The following PDLIM5 variants were observed in gnomAD, a reference collection of about 807,000 sequenced individuals.
PDLIM5 encodes PDZ and LIM domain 5.
A neutral mutation model predicts 64.2 loss-of-function variants in PDLIM5; 34 were observed. The ratio of observed to expected loss-of-function variants is 0.53; its 90% CI spans 0.40 to 0.71. The LOEUF is 0.71. Ranked by LOEUF, PDLIM5 falls within the 30% of genes least tolerant of loss-of-function variation. PDLIM5 has a pLI of 0.00. For synonymous variants in PDLIM5, 253 were observed against 269.1 expected (o/e 0.94, Z 0.59); for missense variants, 683 against 733.6 (o/e 0.93, Z 0.80).
chr4:94,562,726 T>A (rs952210701), intron 3 of PDLIM5, among the ~76,000 whole-genome samples: 1 of 152,300 alleles, frequency 6.6e-6, no homozygotes, highest in Non-Finnish European at 1.5e-5. Flanking sequence ...ATCTATTAGA[T>A]TCAAAGAGTG....
At chr4:94,581,911 A>G (rs1186586363) in intron 5 of PDLIM5, among the ~76,000 whole-genome samples, 2 of 152,208 alleles carry the variant, frequency 1.3e-5, no homozygotes, top group African/African-American at 4.8e-5. Flanking sequence ...CTTATCAGAC[A>G]CGCCTTCTGG....
chr4:94,472,721 T>G (rs1724989148), intron 2 of PDLIM5, among the ~76,000 whole-genome samples: 3 of 152,166 alleles, frequency 2.0e-5, no homozygotes, highest in African/African-American at 7.2e-5. Context: ...GTTGGGAGAT[T>G]TGTATGTTGT....
chr4:94,513,081 C>T (rs980532706), intron 2 of PDLIM5, among the ~76,000 whole-genome samples: 10 of 152,072 alleles, frequency 6.6e-5, no homozygotes, highest in Admixed American at 6.6e-4. Flanking sequence ...CTATTCTGTT[C>T]ATTGGTTTAT....
At chr4:94,528,286 T>C (rs1015455960) in intron 3 of PDLIM5, among the ~76,000 whole-genome samples, 1 of 152,190 alleles carries the variant, frequency 6.6e-6, no homozygotes, top group African/African-American at 2.4e-5. Flanking sequence ...CTCACTCCTT[T>C]TTCCCCTTCT....
At chr4:94,504,246 C>T (rs1728183131) in intron 2 of PDLIM5, among the ~76,000 whole-genome samples, 1 of 151,522 alleles carries the variant, frequency 6.6e-6, no homozygotes, top group African/African-American at 2.4e-5. Context: ...TGATTGAAAT[C>T]ACTATGATGT....
intron 2 of PDLIM5, chr4:94,488,976 G>A (rs1413146255): frequency 6.6e-6 from 1 of 152,218 alleles, no homozygotes; most frequent in Non-Finnish European, 1.5e-5. Context: ...TCATCTCCTT[G>A]TATGGAAAGT....
intron 2 of PDLIM5, among the ~76,000 whole-genome samples, chr4:94,481,648 A>C (rs1367716164): frequency 1.4e-5 from 2 of 144,520 alleles, no homozygotes; most frequent in Non-Finnish European, 1.5e-5. Flanking sequence ...TCGTTCTGTC[A>C]CCCAGGCTGG....
intron 8 of PDLIM5, among the ~76,000 whole-genome samples, chr4:94,636,754 C>T (rs551090386): frequency 1.5e-3 from 224 of 152,158 alleles, no homozygotes; most frequent in Non-Finnish European, 2.0e-3. Context: ...CCAGGATGGT[C>T]TCGATCTCCT....
chr4:94,600,205 C>T (rs574487576), intron 7 of PDLIM5, among the ~76,000 whole-genome samples: 33 of 152,280 alleles, frequency 2.2e-4, no homozygotes, highest in African/African-American at 7.5e-4. Flanking sequence ...AGGTGCTTGG[C>T]ACAAAGTGGG....
intron 11 of PDLIM5, among the ~76,000 whole-genome samples, chr4:94,661,677 A>G (rs1742729791): frequency 6.6e-6 from 1 of 152,156 alleles, no homozygotes; most frequent in South Asian, 2.1e-4. Context: ...TTCTTCCTTG[A>G]CCAAGTCAGA....
intron 8 of PDLIM5, among the ~76,000 whole-genome samples, chr4:94,634,133 T>C (rs568221746): frequency 6.6e-6 from 1 of 152,270 alleles, no homozygotes; most frequent in African/African-American, 2.4e-5. Flanking sequence ...ACGGTCACTA[T>C]TGGAGGGTTT....
At chr4:94,557,113 T>C (rs535175789) in intron 3 of PDLIM5, among the ~76,000 whole-genome samples, 1 of 152,356 alleles carries the variant, frequency 6.6e-6, no homozygotes, top group African/African-American at 2.4e-5. Context: ...CAGTTTCAGC[T>C]TTCTCCATAT....
At chr4:94,454,760 G>A (rs937706081) in intron 1 of PDLIM5, among the ~76,000 whole-genome samples, 10 of 152,232 alleles carry the variant, frequency 6.6e-5, no homozygotes, top group Admixed American at 5.2e-4. Context: ...TATTTGGAAA[G>A]CATGAATGGG....
rs552249053 is a variant in PDLIM5 at position 94,456,447 on chromosome 4, C to G, written c.96+1063C>G. The stretch of plus-strand genomic sequence containing the variant: ...TCCCGACCTCAGGTGATCTGCCCAC[C>G]TCGGCCTCCCAAAGTGCTAAGATTA... On this transcript the variant is annotated intron_variant, in intron 2 of 12. Coordinates refer to ENST00000317968, the MANE Select transcript of PDLIM5 (RefSeq NM_006457.5). 89 of 698,418 alleles carry G rather than the reference C, an allele frequency of 1.3e-4. No individual in the cohort carries two copies. In the African/African-American group the frequency reaches 1.3e-3, roughly 10 times the overall value. 43.3% of individuals were successfully genotyped at this position (698,418 alleles called of 1,614,324 possible).
At chr4:94,522,567 G>A (rs978152525) in intron 2 of PDLIM5, among the ~76,000 whole-genome samples, 2 of 151,956 alleles carry the variant, frequency 1.3e-5, no homozygotes, top group African/African-American at 4.8e-5. Flanking sequence ...GTAGAGATGG[G>A]GTTTCACCAT....
chr4:94,470,744 G>A (rs999358811), intron 2 of PDLIM5, among the ~76,000 whole-genome samples: 8 of 152,100 alleles, frequency 5.3e-5, no homozygotes, highest in African/African-American at 1.9e-4. Flanking sequence ...TATAGCTCTA[G>A]GTCCTCAGTA....
intron 3 of PDLIM5, among the ~76,000 whole-genome samples, chr4:94,528,001 A>G (rs952666918): frequency 2.0e-5 from 3 of 152,170 alleles, no homozygotes; most frequent in Non-Finnish European, 4.4e-5. Context: ...GTGCTATGGG[A>G]TTCTATCCAG....
chr4:94,540,527 G>A (rs1018129176), intron 3 of PDLIM5, among the ~76,000 whole-genome samples: 13 of 152,326 alleles, frequency 8.5e-5, no homozygotes, highest in African/African-American at 2.4e-4. Context: ...TGTAATATGT[G>A]TAGGGAGAGA....
At chr4:94,574,957 A>G (rs1290319077) in intron 4 of PDLIM5, among the ~76,000 whole-genome samples, 1 of 151,924 alleles carries the variant, frequency 6.6e-6, no homozygotes. Context: ...GGTGGATTAC[A>G]AGAAAGAAAG....
Sources: allele counts gnomAD v4.1 joint callset (sites outside exome capture counted in the v4.1 genomes callset), GRCh38; gene constraint gnomAD v4.1.1; transcripts MANE v1.5; gene names NCBI Gene and HGNC (gene_info 2026-07-23, HGNC 2026-07-21).